AGBL3: variants seen among roughly 807,000 people sequenced by gnomAD.
AGBL3 encodes cytosolic carboxypeptidase 3.
A neutral mutation model predicts 94.5 loss-of-function variants in AGBL3; 68 were observed. The observed-to-expected ratio is 0.72, with a 90% CI of 0.59 to 0.88. AGBL3 has a LOEUF of 0.88. AGBL3 is among the 40% of genes least tolerant of loss of function. The pLI is 0.00. For synonymous variants in AGBL3, 354 were observed against 370.7 expected, an observed-to-expected ratio of 0.95 and a Z score of 0.52; for missense variants, 934 against 1,103.8, an observed-to-expected ratio of 0.85 and a Z score of 2.18.
At position 134,987,983 on chromosome 7, in the gene AGBL3, AT is replaced by A. The variant is rs1272954429; in HGVS notation, c.51del (p.Asp17GlufsTer11). The A allele has an allele frequency of 3.2e-6, 5 of 1,544,250 alleles. No homozygotes were observed. In the African/African-American group the frequency reaches 5.5e-5, roughly 17 times the overall value. On this transcript the variant is annotated frameshift_variant, in exon 2 of 17. Coordinates refer to ENST00000436302, the MANE Select transcript of AGBL3 (RefSeq NM_178563.4). LOFTEE classifies it high-confidence loss of function. Reference protein sequence around the residue: ...KEDYSDRTISDEDESDEDMFM... With the variant: ...KEDYSDRTISXEDESDEDMFM... Reference sequence around the variant, plus strand: ...GACTATTCAGACAGAACAATCAGTGATGAAGATGAATCGGTATGTTTTTCTC... The same window carrying A: ...GACTATTCAGACAGAACAATCAGTGAGAAGATGAATCGGTATGTTTTTCTC...
rs775394843 is a variant in AGBL3, at chr7:134,993,676, T to G, written c.308T>G (p.Ile103Ser). ...GTCATCGATGAAAAAGTCCAGCATATTGGTATGTTTTTAGCAGTTTGGGGG... is the reference window on the plus strand; with the variant it reads ...GTCATCGATGAAAAAGTCCAGCATAGTGGTATGTTTTTAGCAGTTTGGGGG... ...CEVIDEKVQH[I>S]DWTPSCPEPV... Residue 103 changes from isoleucine to serine, a missense_variant and splice_region_variant, in exon 4 of 17, where the codon ATT (isoleucine) becomes AGT (serine). Physicochemically the swap from Ile to Ser is moderately radical, Grantham distance 142 (BLOSUM62 -2). This residue lies in a region of AGBL3 where 488 missense variants were observed against 563.6 expected (regional missense o/e 0.87). Transcript: ENST00000436302. 4.5e-6 allele frequency: 7 copies of G among 1,545,702 alleles called. No individual in the cohort carries two copies. The African/African-American group carries it at 9.6e-5, about 21-fold the overall frequency.
intron 15 of AGBL3, among the ~76,000 whole-genome samples, chr7:135,098,200 G>C (rs1301955008): frequency 6.6e-6 from 1 of 152,150 alleles, no homozygotes; most frequent in Admixed American, 6.5e-5. Context: ...AATAAGTAAA[G>C]TCTAAATACA....
At chr7:135,065,987 C>G (rs1393250255) in intron 12 of AGBL3, among the ~76,000 whole-genome samples, 1 of 152,040 alleles carries the variant, frequency 6.6e-6, no homozygotes. Context: ...TGAAGATGGG[C>G]TAAACACTTA....
At chr7:135,101,353 C>T in intron 15 of AGBL3, 3 of 408,514 alleles carry the variant, frequency 7.3e-6, no homozygotes, top group South Asian at 5.3e-5. Flanking sequence ...TTAACATATC[C>T]TATGAAACTT....
chr7:135,011,425 G>A (rs557149814), intron 4 of AGBL3: 46 of 152,024 alleles, frequency 3.0e-4, no homozygotes, highest in African/African-American at 1.1e-3. Context: ...ATTTGACTAC[G>A]ATACAATTAA....
At chr7:135,039,044 T>C (rs938888681) in intron 8 of AGBL3, among the ~76,000 whole-genome samples, 2 of 152,150 alleles carry the variant, frequency 1.3e-5, no homozygotes, top group Non-Finnish European at 1.5e-5. Context: ...AACTGGTAGA[T>C]AGACAGTAGG....
intron 11 of AGBL3, among the ~76,000 whole-genome samples, 188 bp from the exon 12 acceptor site, chr7:135,058,981 T>C (rs1369912273): frequency 6.6e-6 from 1 of 152,202 alleles, no homozygotes; most frequent in East Asian, 1.9e-4. Context: ...GGTCTCAAAC[T>C]CCTGACCTCA....
chr7:135,107,018 T>A (rs1180928174), intron 15 of AGBL3, among the ~76,000 whole-genome samples: 1 of 152,204 alleles, frequency 6.6e-6, no homozygotes, highest in Non-Finnish European at 1.5e-5. Flanking sequence ...TTCATAGTAG[T>A]CTCTGATTAT....
chr7:135,017,200 G>T, intron 5 of AGBL3, 41 bp downstream of exon 5: 1 of 1,360,656 alleles, frequency 7.3e-7, no homozygotes, highest in South Asian at 1.3e-5. Flanking sequence ...AATATAATTT[G>T]GTACTTAGGT....
intron 3 of AGBL3, among the ~76,000 whole-genome samples, chr7:134,993,052 C>A (rs1438957619): frequency 1.3e-5 from 2 of 152,206 alleles, no homozygotes; most frequent in African/African-American, 4.8e-5. Context: ...CATTGTATCA[C>A]ACAGTAGCTC....
At chr7:135,077,679 T>G (rs1487499473) in intron 13 of AGBL3, among the ~76,000 whole-genome samples, 1 of 150,810 alleles carries the variant, frequency 6.6e-6, no homozygotes. Flanking sequence ...AATTCTTGCC[T>G]TCCACTCCTG....
At chr7:135,081,343 C>A (rs947790252) in intron 14 of AGBL3, among the ~76,000 whole-genome samples, 5 of 151,972 alleles carry the variant, frequency 3.3e-5, no homozygotes, top group African/African-American at 1.2e-4. Context: ...ATATTATAAA[C>A]CTCTTTATAT....
At chr7:135,046,174 C>T (rs950872774) in intron 11 of AGBL3, among the ~76,000 whole-genome samples, 2 of 151,972 alleles carry the variant, frequency 1.3e-5, no homozygotes, top group Non-Finnish European at 2.9e-5. Context: ...TTATTGTTTT[C>T]GTTTTTCTCT....
At chr7:135,066,006 A>G (rs1486294886) in intron 12 of AGBL3, among the ~76,000 whole-genome samples, 1 of 152,232 alleles carries the variant, frequency 6.6e-6, no homozygotes, top group East Asian at 1.9e-4. Flanking sequence ...TAAACGTAAG[A>G]CCTGAAACCA....
rs1484843471 is a variant in AGBL3, at chr7:135,011,704, C to G, written c.311-5348C>G. 2.0e-5 allele frequency: 3 copies of G among 152,026 alleles called. No homozygotes were observed. In the East Asian group the frequency reaches 5.8e-4, roughly 29 times the overall value. The allele number at this position is 152,026 out of a possible 1,614,324, so 9.4% of individuals were successfully genotyped here. ...TTGTTGTGATTTTAATTTGCTATTCCCTGATTGTTAATGAGGCTGAGTTCT... is the reference window on the plus strand; with the variant it reads ...TTGTTGTGATTTTAATTTGCTATTCGCTGATTGTTAATGAGGCTGAGTTCT... On this transcript the variant is annotated intron_variant, in intron 4 of 16. Coordinates refer to ENST00000436302, the MANE Select transcript of AGBL3 (RefSeq NM_178563.4).
chr7:135,027,419 AGAG>A, intron 5 of AGBL3, among the ~76,000 whole-genome samples: 1 of 68,966 alleles, frequency 1.4e-5, no homozygotes, highest in South Asian at 9.1e-4. Context: ...AAAGAAATTA[AGAG>A]GAGAAAAAAT....
intron 15 of AGBL3, among the ~76,000 whole-genome samples, chr7:135,096,623 A>G (rs1208091422): frequency 1.3e-5 from 2 of 149,726 alleles, no homozygotes; most frequent in Non-Finnish European, 3.0e-5. Flanking sequence ...ATAGATAGAT[A>G]GGGCTATTCT....
intron 15 of AGBL3, among the ~76,000 whole-genome samples, chr7:135,101,001 A>C (rs1014859131): frequency 6.6e-6 from 1 of 152,250 alleles, no homozygotes; most frequent in Non-Finnish European, 1.5e-5. Context: ...TAATATGCAA[A>C]TATAACATGG....
chr7:135,010,296 G>T (rs1418406182), intron 4 of AGBL3: 5 of 251,506 alleles, frequency 2.0e-5, no homozygotes, highest in Non-Finnish European at 3.1e-5. Context: ...AAAGTGCTGG[G>T]TTTTTTTTTG....
Sources: gnomAD v4.1 joint callset for allele counts (sites outside exome capture counted in the v4.1 genomes callset) on GRCh38, gnomAD v4.1.1 for gene constraint, gnomAD v4.1.1 regional missense constraint, MANE v1.5 for transcripts, NCBI Gene and HGNC (gene_info 2026-07-23, HGNC 2026-07-21) for gene names.